Variants in UGT1A8 observed in about 807,000 individuals in gnomAD.
UGT1A8 encodes UDP glucuronosyltransferase family 1 member A8.
A neutral mutation model predicts 45.3 loss-of-function variants in UGT1A8; 39 were observed. The observed-to-expected ratio is 0.86, with a 90% confidence interval of 0.67 to 1.12. The LOEUF is 1.12. UGT1A8 is among the 50% of genes most tolerant of loss of function. The pLI, the probability that UGT1A8 is intolerant of heterozygous loss-of-function variation, is 0.00. For synonymous variants in UGT1A8, 275 were observed against 249.2 expected (o/e 1.10, Z -0.97); for missense variants, 719 against 664.9 (o/e 1.08, Z -0.90).
chr2:233,712,724 C>G (rs1378795818), intron 1 of UGT1A8, among the ~76,000 whole-genome samples: 3 of 151,202 alleles, frequency 2.0e-5, no homozygotes, highest in Non-Finnish European at 1.5e-5. Context: ...GAATGAGAAA[C>G]AAGAGCTTGA....
intron 1 of UGT1A8, among the ~76,000 whole-genome samples, chr2:233,738,281 T>C (rs1690748430): frequency 6.6e-6 from 1 of 152,228 alleles, no homozygotes; most frequent in Non-Finnish European, 1.5e-5. Context: ...CCTTTATAAA[T>C]TACCCAGTCT....
intron 1 of UGT1A8, among the ~76,000 whole-genome samples, chr2:233,757,461 C>T (rs181439880): frequency 5.8e-4 from 87 of 149,574 alleles, no homozygotes; most frequent in Non-Finnish European, 1.2e-3. Context: ...GTCCAGAGCG[C>T]TTACTGTCTC....
intron 1 of UGT1A8, among the ~76,000 whole-genome samples, chr2:233,656,086 C>A (rs1455058539): frequency 6.6e-6 from 1 of 152,052 alleles, no homozygotes; most frequent in Admixed American, 6.6e-5. Flanking sequence ...TTATGCTGAA[C>A]AAACAGGGTA....
intron 1 of UGT1A8, chr2:233,760,975 T>A: frequency 6.2e-7 from 1 of 1,614,220 alleles, no homozygotes; most frequent in Non-Finnish European, 8.5e-7. Context: ...TTATTCCCCG[T>A]ATGCAACCCT....
At position 233,722,845 on chromosome 2, in the gene UGT1A8, C is replaced by CTTT. The variant is rs61550889; in HGVS notation, c.856-44177_856-44175dup. Among the ~76,000 whole-genome samples the CTTT allele has an allele frequency of 2.2e-4, 30 of 135,360 alleles. 2 individuals carry two copies. The highest frequency in any genetic ancestry group is 7.7e-4 in the African/African-American group (28 of 36,400). The allele number at this position is 135,360 out of a possible 152,430, so 88.8% of individuals were successfully genotyped here. ...ATTTTGTATTATAATAAGAATGTTT[C>CTTT]TTTTTTTTTTTTTTGAAGGAAAAAA... On this transcript the variant is annotated intron_variant, in intron 1 of 4. Transcript: ENST00000373450.
chr2:233,746,538 T>G (rs575149330), intron 1 of UGT1A8, among the ~76,000 whole-genome samples: 26 of 151,796 alleles, frequency 1.7e-4, no homozygotes, highest in Non-Finnish European at 3.5e-4. Flanking sequence ...GCTGCCCTGC[T>G]GTGTGACTTC....
chr2:233,689,650 T>A (rs372119020), intron 1 of UGT1A8, among the ~76,000 whole-genome samples: 34 of 152,280 alleles, frequency 2.2e-4, no homozygotes, highest in African/African-American at 7.9e-4. Flanking sequence ...TGCTCATGAG[T>A]GTGACTTCCT....
chr2:233,715,489 G>C (rs2076454143), intron 1 of UGT1A8, among the ~76,000 whole-genome samples: 1 of 152,016 alleles, frequency 6.6e-6, no homozygotes, highest in Non-Finnish European at 1.5e-5. Flanking sequence ...AAAATGATTT[G>C]TGTGCAAGTG....
At chr2:233,641,889 C>A (rs28969982) in intron 1 of UGT1A8, among the ~76,000 whole-genome samples, 7 of 151,974 alleles carry the variant, frequency 4.6e-5, no homozygotes, top group Admixed American at 4.6e-4. Flanking sequence ...TATTGGAACT[C>A]CATTGTTTGT....
intron 1 of UGT1A8, among the ~76,000 whole-genome samples, chr2:233,647,034 A>G (rs951198188): frequency 2.4e-4 from 37 of 152,238 alleles, no homozygotes; most frequent in Admixed American, 5.2e-4. Flanking sequence ...AAAAGTCAAG[A>G]AGGAGAAAGT....
At chr2:233,682,886 C>T (rs2074605212) in intron 1 of UGT1A8, 4 of 1,509,966 alleles carry the variant, frequency 2.6e-6, no homozygotes, top group Non-Finnish European at 2.6e-6. Flanking sequence ...TACATTTGTC[C>T]CATTTGGAAT....
chr2:233,712,993 T>C lies in UGT1A8; in HGVS notation c.856-54041T>C, dbSNP rs780175553. ...CAGCTGTCGGTGGCTTCTGCTGAGA[T>C]GGCCACAGGACTCCAGGTTCCCCTG... On this transcript the variant is annotated intron_variant, in intron 1 of 4. Transcript: ENST00000373450. 5.0e-6 allele frequency: 8 copies of C among 1,613,368 alleles called. No individual in the cohort carries two copies. The East Asian group carries it at 1.8e-4, about 36-fold the overall frequency.
At chr2:233,750,064 T>C (rs1472554795) in intron 1 of UGT1A8, among the ~76,000 whole-genome samples, 1 of 151,832 alleles carries the variant, frequency 6.6e-6, no homozygotes, top group East Asian at 1.9e-4. Context: ...ACTTTGGAAC[T>C]GGGTAACAGG....
intron 1 of UGT1A8, among the ~76,000 whole-genome samples, chr2:233,640,657 C>T (rs991222483): frequency 6.6e-6 from 1 of 152,098 alleles, no homozygotes; most frequent in African/African-American, 2.4e-5. Context: ...TTTTAGGCTG[C>T]AAATGCTGTT....
At chr2:233,740,411 T>A (rs1191187066) in intron 1 of UGT1A8, among the ~76,000 whole-genome samples, 1 of 151,958 alleles carries the variant, frequency 6.6e-6, no homozygotes. Context: ...TGGGGAAGTC[T>A]CTCTACCTGT....
In UGT1A8 at chr2:233,617,940, C is replaced by T. The variant is rs200115254; in HGVS notation, c.233C>T (p.Ser78Leu). The change falls in exon 1 of 5, where the codon TCA becomes TTA. Residue 78 changes from serine (S) to leucine (L), a missense_variant. Transcript: ENST00000373450. ...KSLNCTVKTY[S>L]TSYTLEDLDR... Reference sequence around the variant, plus strand: ...CTGAATTGCACAGTGAAGACTTACTCAACCTCATACACTCTGGAGGATCTG... The same window carrying T: ...CTGAATTGCACAGTGAAGACTTACTTAACCTCATACACTCTGGAGGATCTG... 8 of 1,614,174 alleles carry T rather than the reference C, an allele frequency of 5.0e-6. No individual in the cohort carries two copies. The Admixed American group carries it at 1.0e-4, about 20-fold the overall frequency.
intron 1 of UGT1A8, among the ~76,000 whole-genome samples, chr2:233,686,505 G>A (rs1407378140): frequency 6.6e-6 from 1 of 152,032 alleles, no homozygotes; most frequent in Non-Finnish European, 1.5e-5. Context: ...GTGAGCCCAG[G>A]TGGAGCCTCC....
At chr2:233,635,347 T>C (rs1170931080) in intron 1 of UGT1A8, among the ~76,000 whole-genome samples, 2 of 150,924 alleles carry the variant, frequency 1.3e-5, no homozygotes, top group Non-Finnish European at 2.9e-5. Flanking sequence ...AATGTTGGCC[T>C]GTCTTGCTAG....
At chr2:233,676,246 G>A (rs1190118644) in intron 1 of UGT1A8, among the ~76,000 whole-genome samples, 1 of 152,162 alleles carries the variant, frequency 6.6e-6, no homozygotes, top group Non-Finnish European at 1.5e-5. Context: ...GGTTGATGAT[G>A]AATTCACTGA....
Sources: allele counts gnomAD v4.1 joint callset (sites outside exome capture counted in the v4.1 genomes callset), GRCh38; gene constraint gnomAD v4.1.1; transcripts MANE v1.5; gene names NCBI Gene and HGNC (gene_info 2026-07-23, HGNC 2026-07-21).